TMEM230: variants seen among roughly 807,000 people sequenced by gnomAD.
TMEM230 encodes UPF0414 transmembrane protein C20orf30.
A neutral mutation model predicts 15.8 loss-of-function variants in TMEM230; 10 were observed. That is an observed-to-expected ratio of 0.63 (90% CI 0.39 to 1.07). The LOEUF (loss-of-function observed/expected upper bound fraction) is 1.07. Among genes scored for constraint, TMEM230 ranks in the 50% least tolerant of loss-of-function variants. TMEM230 has a pLI of 0.01. For synonymous variants in TMEM230, 67 were observed against 76.9 expected (o/e 0.87, Z 0.68); for missense variants, 165 against 193.3 (o/e 0.85, Z 0.87).
chr20:5,077,768 A>G (rs1042346635), intron 3 of TMEM230, among the ~76,000 whole-genome samples: 2 of 152,032 alleles, frequency 1.3e-5, no homozygotes, highest in African/African-American at 4.8e-5. Context: ...TGGGAGGCAG[A>G]GGTTGCAGTG....
At chr20:5,070,428 C>T (rs2088786165) in intron 3 of TMEM230, among the ~76,000 whole-genome samples, 2 of 152,280 alleles carry the variant, frequency 1.3e-5, no homozygotes, top group Non-Finnish European at 2.9e-5. Flanking sequence ...ATCAATTGTC[C>T]AGTGATGAAG....
At position 5,069,250 on chromosome 20, in the gene TMEM230, C is replaced by A. The variant is rs536444277; in HGVS notation, c.322G>T (p.Glu108Ter). The A allele has an allele frequency of 1.3e-6, 2 of 1,535,780 alleles. No homozygotes were observed. The highest frequency in any genetic ancestry group is 1.7e-6 in the Non-Finnish European group (2 of 1,146,788). ...GGAAGCCTTGAGCTGAGTCCTCCTT[C>A]GGGACTCCTCCCACTGATGCCTCCC... Residue 108 changes from glutamate to a stop codon, truncating the protein, a stop_gained, in exon 4 of 4, where the codon GAA (glutamate) becomes TAA (stop). Transcript: ENST00000612323. LOFTEE classifies it high-confidence loss of function.
At chr20:5,099,762 G>A, downstream of TMEM230, 2 of 783,076 alleles carry the variant, frequency 2.6e-6, no homozygotes, top group South Asian at 1.2e-4. Context: ...AGTTGAGTGT[G>A]ACCCACAATG....
At chr20:5,078,474 G>GT (rs2089072702) in intron 3 of TMEM230, among the ~76,000 whole-genome samples, 2 of 152,168 alleles carry the variant, frequency 1.3e-5, no homozygotes, top group Admixed American at 1.3e-4. Flanking sequence ...GATAGAGACT[G>GT]TATCATCCAG....
chr20:5,080,968 T>C (rs1458447760), intron 3 of TMEM230, among the ~76,000 whole-genome samples: 1 of 152,224 alleles, frequency 6.6e-6, no homozygotes, highest in Non-Finnish European at 1.5e-5. Context: ...AGTACAGATA[T>C]TGAGAACAAA....
rs755401743 is a variant in TMEM230 at position 5,106,351 on chromosome 20, TA to T, written c.289-42del. On this transcript the variant is annotated intron_variant, in intron 3 of 4. Coordinates refer to ENST00000342308, the MANE Select transcript of TMEM230 (RefSeq NM_001009923.2). ...AGATGAAAAAGACAACGAAGAACAT[TA>T]ATGCAAATACCTGGGTTCAAACATT... The T allele has an allele frequency of 1.9e-6, 3 of 1,562,118 alleles. No individual in the cohort carries two copies. The African/African-American group carries it at 4.2e-5, about 22-fold the overall frequency.
chr20:5,096,776 T>C (rs1018230441), downstream of TMEM230, among the ~76,000 whole-genome samples: 3 of 152,176 alleles, frequency 2.0e-5, no homozygotes, highest in African/African-American at 7.2e-5. Flanking sequence ...TACCTATCCA[T>C]ACCTCAAAGG....
At chr20:5,069,414 C>T (rs1437756309) in intron 3 of TMEM230, 3 of 1,462,666 alleles carry the variant, frequency 2.1e-6, no homozygotes, top group Non-Finnish European at 2.7e-6. Context: ...TCAAAAAATC[C>T]TAATTGTCAA....
chr20:5,092,063 T>C (rs948752118), intron 3 of TMEM230, among the ~76,000 whole-genome samples: 1 of 152,244 alleles, frequency 6.6e-6, no homozygotes, highest in Admixed American at 6.5e-5. Context: ...GCCAACACCC[T>C]ATGTGACTTT....
the TMEM230 span, among the ~76,000 whole-genome samples, chr20:5,059,540 T>C: frequency 6.6e-6 from 1 of 152,120 alleles, no homozygotes; most frequent in African/African-American, 2.4e-5. Context: ...CATAGCCAGC[T>C]TATTCCTAAA....
chr20:5,110,327 C>T (rs2090263116), intron 2 of TMEM230, among the ~76,000 whole-genome samples: 2 of 151,370 alleles, frequency 1.3e-5, no homozygotes. Flanking sequence ...CTTTGCTGTC[C>T]AGGATGGAGT....
Position 5,076,676 on chromosome 20 carries a change from C to CTTTTTTT in TMEM230, c.223-7334_223-7328dup, listed in dbSNP as rs763498321. ...CTGTTTATATTCTTGGATTGATATTCTTTTTTTTTTTTTTTTTTTGAGACA... is the reference window on the plus strand; with the variant it reads ...CTGTTTATATTCTTGGATTGATATTCTTTTTTTTTTTTTTTTTTTTTTTTTTGAGACA... On this transcript the variant is annotated intron_variant, in intron 3 of 3. Transcript: ENST00000612323. Among the ~76,000 whole-genome samples, 103 of 127,470 alleles carry CTTTTTTT rather than the reference C, an allele frequency of 8.1e-4. 3 individuals are homozygous for CTTTTTTT. Among genetic ancestry groups the CTTTTTTT allele is most frequent in the African/African-American group, 3.0e-3 (97 of 32,254 alleles). The allele number at this position is 127,470 out of a possible 152,430, so 83.6% of individuals were successfully genotyped here.
At chr20:5,094,157 C>T (rs1027002974) in intron 3 of TMEM230, among the ~76,000 whole-genome samples, 1 of 150,792 alleles carries the variant, frequency 6.6e-6, no homozygotes, top group African/African-American at 2.4e-5. Context: ...CGGCGTTTCA[C>T]CATGGTGCTC....
downstream of TMEM230, among the ~76,000 whole-genome samples, chr20:5,096,570 A>G (rs1426424342): frequency 6.6e-6 from 1 of 152,200 alleles, no homozygotes; most frequent in Non-Finnish European, 1.5e-5. Context: ...CCCTTACCAT[A>G]CACCAGTGGC....
chr20:5,095,357 G>A (rs971139325), downstream of TMEM230, among the ~76,000 whole-genome samples: 20 of 151,982 alleles, frequency 1.3e-4, no homozygotes, highest in African/African-American at 4.1e-4. Context: ...ATTACACATC[G>A]TCCCCTTCCC....
chr20:5,100,975 C>A, intron 4 of TMEM230, 44 bp from the exon 4 acceptor site: 1 of 1,606,678 alleles, frequency 6.2e-7, no homozygotes, highest in Non-Finnish European at 8.5e-7. Context: ...GTAAGAGTTA[C>A]ACATTTTAAA....
At chr20:5,073,833 T>C (rs2088904527) in intron 3 of TMEM230, among the ~76,000 whole-genome samples, 1 of 152,228 alleles carries the variant, frequency 6.6e-6, no homozygotes, top group African/African-American at 2.4e-5. Context: ...CCTGTGTTAC[T>C]GTGTTTGCAG....
intron 3 of TMEM230, among the ~76,000 whole-genome samples, chr20:5,092,409 T>C (rs2089536089): frequency 6.6e-6 from 1 of 152,020 alleles, no homozygotes; most frequent in African/African-American, 2.4e-5. Flanking sequence ...TATCAGTAAA[T>C]GTAATACACA....
chr20:5,093,404 T>C (rs1029716816), intron 3 of TMEM230, among the ~76,000 whole-genome samples: 1 of 151,932 alleles, frequency 6.6e-6, no homozygotes, highest in Non-Finnish European at 1.5e-5. Flanking sequence ...CATGCCACCA[T>C]ACCTGGCTAA....
Sources: allele counts gnomAD v4.1 joint callset (sites outside exome capture counted in the v4.1 genomes callset), GRCh38; gene constraint gnomAD v4.1.1; transcripts MANE v1.5; gene names NCBI Gene and HGNC (gene_info 2026-07-23, HGNC 2026-07-21).